FOXP3: variants seen among roughly 807,000 people sequenced by gnomAD.
FOXP3 encodes the protein forkhead box P3, also known as forkhead box protein P3.
A neutral mutation model predicts 31.2 loss-of-function variants in FOXP3; 5 were observed. The observed-to-expected ratio is 0.16, with a 90% CI of 0.08 to 0.34. The LOEUF is 0.34. Among genes scored for constraint, FOXP3 ranks in the 10% least tolerant of loss-of-function variants. The probability of loss-of-function intolerance (pLI) is 1.00; values close to 1 mark genes in which losing one functional copy is unlikely to be tolerated. For missense variants in FOXP3, 251 were observed against 363.0 expected (o/e 0.69, Z 2.51); for synonymous variants, 141 against 148.8 (o/e 0.95, Z 0.38).
chrX:49,251,242 C>G lies in FOXP3; in HGVS notation c.*92G>C. On this transcript the variant is annotated 3_prime_UTR_variant, in exon 12 of 12. Transcript: ENST00000376207. Reference sequence around the variant, plus strand: ...AACCTCACTTCTTGGTCCCTGTGGGCACATCCAGGGCCTATCATCCCTGCC... The same window carrying G: ...AACCTCACTTCTTGGTCCCTGTGGGGACATCCAGGGCCTATCATCCCTGCC... 3.8e-6 allele frequency: 4 copies of G among 1,043,263 alleles called. No individual in the cohort carries two copies. Among genetic ancestry groups the G allele is most frequent in the Non-Finnish European group, 3.9e-6 (3 of 761,354 alleles). 86.0% of individuals were successfully genotyped at this position (1,043,263 alleles called of 1,213,427 possible). A position where few individuals can be genotyped will look rare whatever the true frequency, so the allele number is the denominator to read the frequency against.
chrX:49,262,245 T>A (rs1019800802), intron 1 of FOXP3, among the ~76,000 whole-genome samples: 1 of 112,322 alleles, frequency 8.9e-6, no homozygotes, highest in African/African-American at 3.2e-5. Flanking sequence ...AAGGGCAAGG[T>A]GCCAGGGACA....
chrX:49,251,146 G>C lies in FOXP3; in HGVS notation c.*188C>G, dbSNP rs2066027793. 1.8e-6 allele frequency: 1 copy of C among 569,886 alleles called. No homozygotes were observed. The highest frequency in any genetic ancestry group is 2.8e-6 in the Non-Finnish European group (1 of 361,846). The allele number at this position is 569,886 out of a possible 1,213,427, so 47.0% of individuals were successfully genotyped here. On this transcript the variant is annotated 3_prime_UTR_variant, in exon 12 of 12. Coordinates refer to ENST00000376207, the MANE Select transcript of FOXP3 (RefSeq NM_014009.4). ...CGGGGCCCCTCTGAGCAGCCTTGGGGCAAAGGATATGATGGGGGAGGGGGT... is the reference window on the plus strand; with the variant it reads ...CGGGGCCCCTCTGAGCAGCCTTGGGCCAAAGGATATGATGGGGGAGGGGGT...
intron 1 of FOXP3, among the ~76,000 whole-genome samples, chrX:49,260,229 C>A (rs999629940): frequency 2.7e-5 from 3 of 111,075 alleles, no homozygotes; most frequent in Admixed American, 1.9e-4. Flanking sequence ...ACAAAGATTG[C>A]CAGCAACCAC....
rs1217074184 is a variant in FOXP3, at chrX:49,257,639, C to G, written c.315+25G>C. 2.5e-6 allele frequency: 3 copies of G among 1,178,330 alleles called. No homozygotes were observed. In the African/African-American group the frequency reaches 5.3e-5, roughly 21 times the overall value. ...CCACAGTTCTCCCACCTGCTCCCTC[C>G]TCCCTGCCCATTCACCGTCCATACC... On this transcript the variant is annotated intron_variant, in intron 3 of 11. Transcript: ENST00000376207.
At chrX:49,261,562 G>A (rs1393047425) in intron 1 of FOXP3, among the ~76,000 whole-genome samples, 2 of 112,591 alleles carry the variant, frequency 1.8e-5, no homozygotes, top group Non-Finnish European at 3.8e-5. Flanking sequence ...CTGACTGACT[G>A]ACATGCCTCC....
At chrX:49,257,064 T>A (rs782350792) in intron 4 of FOXP3, 52 bp from the exon 5 acceptor site, 1 of 1,066,663 alleles carries the variant, frequency 9.4e-7, no homozygotes, top group South Asian at 2.0e-5. Context: ...GCTCTGGAGC[T>A]TGGCCCACAA....
At chrX:49,251,511 G>A in intron 11 of FOXP3, 28 bp from the exon 12 acceptor site, 2 of 1,211,519 alleles carry the variant, frequency 1.7e-6, no homozygotes, top group Non-Finnish European at 1.1e-6. Flanking sequence ...CAGGGAGCAG[G>A]TGGGCGTCAA....
intron 8 of FOXP3, among the ~76,000 whole-genome samples, chrX:49,254,803 G>A (rs781813669): frequency 2.7e-5 from 3 of 111,576 alleles, no homozygotes; most frequent in Non-Finnish European, 3.8e-5. Flanking sequence ...CTCTGTGGTC[G>A]CCATCTTGAA....
chrX:49,255,194 G>A (rs1037067968), intron 8 of FOXP3, among the ~76,000 whole-genome samples: 3 of 112,141 alleles, frequency 2.7e-5, no homozygotes, highest in Non-Finnish European at 5.6e-5. Context: ...TGATCCACCC[G>A]CCTCGGCCTC....
intron 1 of FOXP3, among the ~76,000 whole-genome samples, chrX:49,262,184 C>G (rs1403788927): frequency 6.2e-5 from 7 of 112,535 alleles, no homozygotes; most frequent in African/African-American, 2.3e-4. Flanking sequence ...AGAACATTTG[C>G]TGGTCTCTGG....
chrX:49,256,013 G>A (rs997207573), intron 6 of FOXP3, among the ~76,000 whole-genome samples: 1 of 110,834 alleles, frequency 9.0e-6, no homozygotes, highest in Non-Finnish European at 1.9e-5. Context: ...CTCACCACTT[G>A]AGCCTGGCCA....
At chrX:49,255,246 C>T (rs1342969026) in intron 8 of FOXP3, among the ~76,000 whole-genome samples, 183 bp downstream of exon 8, 4 of 112,436 alleles carry the variant, frequency 3.6e-5, no homozygotes, top group South Asian at 3.7e-4. Flanking sequence ...CACGCCCAGC[C>T]GGGGTCAGAG....
chrX:49,255,258 G>A (rs1363927278), intron 8 of FOXP3, among the ~76,000 whole-genome samples, 171 bp downstream of exon 8: 1 of 112,575 alleles, frequency 8.9e-6, no homozygotes, highest in Admixed American at 9.3e-5. Context: ...GGGTCAGAGG[G>A]TTTGTAAGTA....
Position 49,256,975 on chromosome X carries a change from C to T in FOXP3, c.492G>A (p.Glu164=), listed in dbSNP as rs2147948631. ...NVASLEWVSR[E]PALLCTFPNP... The stretch of plus-strand genomic sequence containing the variant: ...TTGGGAAGGTGCAGAGCAGTGCCGG[C>T]TCCCTGGACACCCATTCCAGGCTGG... The change falls in exon 5 of 12, where the codon GAG becomes GAA. Residue 164 remains glutamate (E), a synonymous_variant. Transcript: ENST00000376207. The T allele has an allele frequency of 2.5e-6, 3 of 1,211,173 alleles. No individual in the cohort carries two copies. The highest frequency in any genetic ancestry group is 3.4e-6 in the Non-Finnish European group (3 of 895,314).
Position 49,258,215 on chromosome X carries a change from G to A in FOXP3, c.210+81C>T, listed in dbSNP as rs919540973. 5.0e-5 allele frequency: 41 copies of A among 822,015 alleles called. No homozygotes were observed. The Admixed American group carries it at 6.3e-4, about 13-fold the overall frequency. The allele number at this position is 822,015 out of a possible 1,213,427, so 67.7% of individuals were successfully genotyped here. ...CTGTGCCCCAGCCAGCCCCCCTCCC[G>A]CCCAGTGCCACAGTAAAGGTCGGCA... On this transcript the variant is annotated intron_variant, in intron 2 of 11. Coordinates refer to ENST00000376207, the MANE Select transcript of FOXP3 (RefSeq NM_014009.4).
rs1319470963 is a variant in FOXP3, at chrX:49,250,668, A to T, written c.*666T>A. The T allele has an allele frequency of 1.1e-5, 3 of 276,281 alleles. No individual in the cohort carries two copies. Among genetic ancestry groups the T allele is most frequent in the Middle Eastern group, 1.0e-3 (1 of 978 alleles). The allele number at this position is 276,281 out of a possible 1,213,427, so 22.8% of individuals were successfully genotyped here. On this transcript the variant is annotated 3_prime_UTR_variant, in exon 12 of 12. Coordinates refer to ENST00000376207, the MANE Select transcript of FOXP3 (RefSeq NM_014009.4). ...ACCCACTGGGGGGCTGTGCGTGTGC[A>T]TATGCGTGAGATACACAGGTGAATT...
chrX:49,258,210 C>T, intron 2 of FOXP3, 86 bp downstream of exon 2: 1 of 809,390 alleles, frequency 1.2e-6, no homozygotes, highest in East Asian at 3.5e-5. Flanking sequence ...GCCAGCCCCC[C>T]TCCCGCCCAG....
At chrX:49,264,523 G>C (rs782625377) in intron 1 of FOXP3, 138 bp downstream of exon 1, 38 of 217,648 alleles carry the variant, frequency 1.7e-4, no homozygotes, top group Non-Finnish European at 2.3e-4. Context: ...TTTTTTTAAA[G>C]ACCTTACCTG....
At position 49,258,301 on chromosome X, in the gene FOXP3, G is replaced by C. The variant is rs376970698; in HGVS notation, c.205C>G (p.Leu69Val). 91 of 1,163,177 alleles carry C rather than the reference G, an allele frequency of 7.8e-5. No individual in the cohort carries two copies. The highest frequency in any genetic ancestry group is 2.0e-4 in the East Asian group (6 of 30,673). The change falls in exon 2 of 12, where the codon CTG becomes GTG. Residue 69 changes from leucine to valine, a missense_variant. Physicochemically the swap from Leu to Val is conservative, Grantham distance 32 (BLOSUM62 1). Coordinates refer to ENST00000376207, the MANE Select transcript of FOXP3 (RefSeq NM_014009.4). Reference sequence around the variant, plus strand: ...TCCTGGGCCCAGGGCCTCACCTGCAGCTGCGATGGTGGCATGGGGTTCAAG... The same window carrying C: ...TCCTGGGCCCAGGGCCTCACCTGCACCTGCGATGGTGGCATGGGGTTCAAG... ...SSLNPMPPSQLQLPTLPLVMV... is the reference protein window; with the variant it reads ...SSLNPMPPSQVQLPTLPLVMV...
Sources: allele counts gnomAD v4.1 joint callset (sites outside exome capture counted in the v4.1 genomes callset), GRCh38; gene constraint gnomAD v4.1.1; transcripts MANE v1.5; gene names NCBI Gene and HGNC (gene_info 2026-07-23, HGNC 2026-07-21).